The following HNF4A variants were observed in gnomAD, a reference collection of about 807,000 sequenced individuals.
HNF4A encodes hepatocyte nuclear factor 4 alpha.
HNF4A carries 15 observed loss-of-function variants against 52.4 expected under a neutral mutation model. That is an observed-to-expected ratio of 0.29 (90% CI 0.19 to 0.44). The LOEUF is 0.44. HNF4A is among the 20% of genes least tolerant of loss of function. HNF4A has a pLI of 1.00. For missense variants in HNF4A, 479 were observed against 647.2 expected (o/e 0.74, Z 2.82); for synonymous variants, 280 against 264.4 (o/e 1.06, Z -0.57).
intron 1 of HNF4A, among the ~76,000 whole-genome samples, chr20:44,387,956 A>G (rs1179350638): frequency 6.6e-6 from 1 of 152,154 alleles, no homozygotes; most frequent in East Asian, 1.9e-4. Flanking sequence ...TGACATGTAG[A>G]TATGACTATC....
Position 44,405,832 on chromosome 20 carries a change from C to T in HNF4A, c.116-226C>T, listed in dbSNP as rs3212179. On this transcript the variant is annotated intron_variant, in intron 1 of 9. Transcript: ENST00000316099. ...GCTCGTGGCCTCCACCACAGGAAGACGCAGACCCTCAGAAACAAGTCTGTG... is the reference window on the plus strand; with the variant it reads ...GCTCGTGGCCTCCACCACAGGAAGATGCAGACCCTCAGAAACAAGTCTGTG... Among the ~76,000 whole-genome samples, 17,205 of 152,132 alleles carry T rather than the reference C, an allele frequency of 0.11. 1,163 individuals are homozygous for T. Among genetic ancestry groups the T allele is most frequent in the East Asian group, 0.15 (790 of 5,160 alleles).
chr20:44,388,090 A>T (rs945114772), intron 1 of HNF4A, among the ~76,000 whole-genome samples: 1 of 134,618 alleles, frequency 7.4e-6, no homozygotes, highest in Non-Finnish European at 1.6e-5. Flanking sequence ...CCACACATTA[A>T]TTTTTTTTTT....
upstream of HNF4A, among the ~76,000 whole-genome samples, chr20:44,401,044 T>TA (rs919457299): frequency 3.3e-5 from 5 of 152,192 alleles, no homozygotes; most frequent in East Asian, 9.7e-4. Flanking sequence ...GTACAATTGA[T>TA]AACTGAACAT....
chr20:44,393,551 C>T (rs1445432610), intron 1 of HNF4A, among the ~76,000 whole-genome samples: 1 of 152,210 alleles, frequency 6.6e-6, no homozygotes, highest in Non-Finnish European at 1.5e-5. Context: ...TCTTGTTTCT[C>T]ATCAGCTGTG....
At chr20:44,372,318 C>G (rs959353913) in intron 1 of HNF4A, among the ~76,000 whole-genome samples, 2 of 152,236 alleles carry the variant, frequency 1.3e-5, no homozygotes, top group African/African-American at 4.8e-5. Context: ...CTAACTCATT[C>G]TGCCTCCATT....
chr20:44,377,076 G>A (rs2063093359), intron 1 of HNF4A, among the ~76,000 whole-genome samples: 1 of 152,160 alleles, frequency 6.6e-6, no homozygotes, highest in East Asian at 1.9e-4. Flanking sequence ...TAGATAAAAT[G>A]CTGTGTATCC....
intron 7 of HNF4A, among the ~76,000 whole-genome samples, chr20:44,422,214 G>A (rs574634938): frequency 1.3e-5 from 2 of 152,192 alleles, no homozygotes; most frequent in East Asian, 3.9e-4. Flanking sequence ...GAGATTTCTA[G>A]TTCTAGTTCC....
intron 1 of HNF4A, chr20:44,390,592 G>A: frequency 1.4e-6 from 1 of 702,342 alleles, no homozygotes; most frequent in Non-Finnish European, 2.6e-6. Context: ...CTCCCTCAAG[G>A]ATGAAGAGGT....
chr20:44,370,245 T>C (rs2063019991), intron 1 of HNF4A, among the ~76,000 whole-genome samples: 1 of 152,108 alleles, frequency 6.6e-6, no homozygotes. Flanking sequence ...GCCAGGATGG[T>C]CTCGATCTCC....
rs1475756179 is a variant in HNF4A at position 44,431,618 on chromosome 20, A to G, written c.*1953A>G. The G allele has an allele frequency of 6.6e-6, 1 of 152,176 alleles. No individual in the cohort carries two copies. The highest frequency in any genetic ancestry group is 6.5e-5 in the Admixed American group (1 of 15,268). The allele number at this position is 152,176 out of a possible 1,614,324, so 9.4% of individuals were successfully genotyped here. ...TAGACCCCAGGATGGAGCGACCAGCATGTCATCCATGTGGAATCTTGGTGG... is the reference window on the plus strand; with the variant it reads ...TAGACCCCAGGATGGAGCGACCAGCGTGTCATCCATGTGGAATCTTGGTGG... On this transcript the variant is annotated 3_prime_UTR_variant, in exon 10 of 10. Transcript: ENST00000316099.
chr20:44,374,020 G>A (rs1271239654), intron 1 of HNF4A, among the ~76,000 whole-genome samples: 1 of 152,076 alleles, frequency 6.6e-6, no homozygotes, highest in Non-Finnish European at 1.5e-5. Flanking sequence ...GATTCAGGGG[G>A]TACATGTACA....
chr20:44,383,599 T>G (rs1000462745), intron 1 of HNF4A, among the ~76,000 whole-genome samples: 4 of 151,238 alleles, frequency 2.6e-5, no homozygotes, highest in Non-Finnish European at 5.9e-5. Context: ...TCCCCCAGGC[T>G]GGAGTGCAGT....
intron 1 of HNF4A, among the ~76,000 whole-genome samples, chr20:44,403,556 T>A (rs1479937350): frequency 6.6e-6 from 1 of 152,162 alleles, no homozygotes; most frequent in Non-Finnish European, 1.5e-5. Context: ...TGAAGTGTTT[T>A]GAGTACATCC....
intron 1 of HNF4A, among the ~76,000 whole-genome samples, chr20:44,357,815 C>T (rs1309044694): frequency 6.6e-6 from 1 of 150,668 alleles, no homozygotes; most frequent in Non-Finnish European, 1.5e-5. Context: ...TCTCCAAGGA[C>T]AGAAGAAAAA....
rs773296977 is a variant in HNF4A at position 44,424,312 on chromosome 20, C to G, written c.1129+58C>G. 5.0e-6 allele frequency: 8 copies of G among 1,602,478 alleles called. No homozygotes were observed. The South Asian group carries it at 9.0e-5, about 18-fold the overall frequency. On this transcript the variant is annotated intron_variant, in intron 8 of 9. Transcript: ENST00000316099. ...AGTGGGGACTCCCCAGGAGACAGGC[C>G]TCACACAGTGAGCTCACCCCTCAGC...
chr20:44,388,659 A>T (rs554353354), intron 1 of HNF4A, among the ~76,000 whole-genome samples: 5 of 150,222 alleles, frequency 3.3e-5, no homozygotes, highest in Admixed American at 3.3e-4. Context: ...CCCTAAGGCT[A>T]TCTAAGTTTC....
In HNF4A at chr20:44,414,674, C is replaced by T. The variant is rs372596032; in HGVS notation, c.648+12C>T. The T allele has an allele frequency of 1.3e-4, 200 of 1,592,478 alleles. No homozygotes were observed. The highest frequency in any genetic ancestry group is 3.3e-4 in the Middle Eastern group (2 of 6,022). ...CCCTGGACGACCAGGTGAGGATGGG[C>T]GTGGATGGTGGGCAGTAGTGGGCAG... On this transcript the variant is annotated intron_variant, in intron 5 of 9. Coordinates refer to ENST00000316099, the MANE Select transcript of HNF4A (RefSeq NM_000457.6).
chr20:44,367,231 A>G (rs576981859), intron 1 of HNF4A, among the ~76,000 whole-genome samples: 1 of 150,976 alleles, frequency 6.6e-6, no homozygotes. Context: ...GCTACTCGGG[A>G]GGCTGAGGCA....
chr20:44,406,588 T>C (rs1053444189), intron 2 of HNF4A, among the ~76,000 whole-genome samples: 11 of 152,218 alleles, frequency 7.2e-5, no homozygotes, highest in African/African-American at 2.7e-4. Context: ...TCTGGTGCTG[T>C]TTTTGGGACA....
Sources: gnomAD v4.1 joint callset for allele counts (sites outside exome capture counted in the v4.1 genomes callset) on GRCh38, gnomAD v4.1.1 for gene constraint, MANE v1.5 for transcripts, NCBI Gene and HGNC (gene_info 2026-07-23, HGNC 2026-07-21) for gene names.